The following C9orf152 variants were observed in gnomAD, a reference collection of about 807,000 sequenced individuals.
C9orf152 encodes the protein chromosome 9 open reading frame 152.
In C9orf152, 8 loss-of-function variants were observed where a neutral mutation model predicts 8.5. The ratio of observed to expected loss-of-function variants is 0.94; its 90% CI spans 0.55 to 1.70. The LOEUF is 1.70. Among genes scored for constraint, C9orf152 ranks in the 40% most tolerant of loss-of-function variants. The probability of loss-of-function intolerance (pLI) is 0.00; values close to 1 mark genes in which losing one functional copy is unlikely to be tolerated. For synonymous variants in C9orf152, 109 were observed against 113.0 expected, an observed-to-expected ratio of 0.96 and a Z score of 0.22; for missense variants, 293 against 286.2, an observed-to-expected ratio of 1.02 and a Z score of -0.17.
At chr9:110,205,424 A>G (rs1837262958) in intron 1 of C9orf152, among the ~76,000 whole-genome samples, 1 of 152,082 alleles carries the variant, frequency 6.6e-6, no homozygotes. Flanking sequence ...TTCTCCCTGG[A>G]TAATTACCTA....
intron 1 of C9orf152, among the ~76,000 whole-genome samples, chr9:110,202,591 C>CT (rs990667613): frequency 1.3e-5 from 2 of 151,812 alleles, no homozygotes; most frequent in African/African-American, 4.8e-5. Context: ...TTCTTGGGGA[C>CT]TTTTTTTTAA....
At position 110,200,560 on chromosome 9, in the gene C9orf152, T is replaced by A. The variant is rs150763293; in HGVS notation, c.*388A>T. On this transcript the variant is annotated 3_prime_UTR_variant, in exon 2 of 2. Coordinates refer to ENST00000400613, the MANE Select transcript of C9orf152 (RefSeq NM_001012993.3). ...ATTGAAAACAAGAATGCCACGCCCA[T>A]TGACCCCTGGGCATTGCTAAGGCAT... 4.1e-5 allele frequency: 7 copies of A among 169,822 alleles called. No individual in the cohort carries two copies. The highest frequency in any genetic ancestry group is 1.7e-4 in the African/African-American group (7 of 42,114). The allele number at this position is 169,822 out of a possible 1,614,324, so 10.5% of individuals were successfully genotyped here.
chr9:110,207,416 G>T lies in C9orf152; in HGVS notation c.164C>A (p.Thr55Asn). ...TGGAAGCACCAGGAGGTGGGCCTGG[G>T]TCCTCTGCTGCCTCTTCAAGCCTTC... is the stretch of plus-strand genomic sequence containing the variant. ...QYEGLKRQQR[T>N]QAHLLVLPKG... The change falls in exon 1 of 2, where the codon ACC (threonine) becomes AAC (asparagine). Residue 55 changes from threonine to asparagine, a missense_variant. Physicochemically the swap from Thr to Asn is moderately conservative, Grantham distance 65 (BLOSUM62 0). Transcript: ENST00000400613. 1 of 1,613,050 alleles carries T rather than the reference G, an allele frequency of 6.2e-7. No individual in the cohort carries two copies. The highest frequency in any genetic ancestry group is 8.5e-7 in the Non-Finnish European group (1 of 1,179,512).
chr9:110,207,278 C>T, intron 1 of C9orf152, 109 bp downstream of exon 1: 2 of 1,277,112 alleles, frequency 1.6e-6, no homozygotes, highest in African/African-American at 1.5e-5. Context: ...CCCTGCTCTT[C>T]CCCACTGGGA....
At chr9:110,205,825 G>A (rs1001778736) in intron 1 of C9orf152, among the ~76,000 whole-genome samples, 1 of 152,056 alleles carries the variant, frequency 6.6e-6, no homozygotes, top group African/African-American at 2.4e-5. Context: ...AGGTCGAGGT[G>A]GGTGGATCAC....
rs1837198326 is a variant in C9orf152 at position 110,200,233 on chromosome 9, A to AAGGG, written c.*714_*715insCCCT. 6.6e-6 allele frequency: 1 copy of AAGGG among 151,866 alleles called. No homozygotes were observed. Among genetic ancestry groups the AAGGG allele is most frequent in the Non-Finnish European group, 1.5e-5 (1 of 67,934 alleles). The allele number at this position is 151,866 out of a possible 1,614,324, so 9.4% of individuals were successfully genotyped here. A position where few individuals can be genotyped will look rare whatever the true frequency, so the allele number is the denominator to read the frequency against. On this transcript the variant is annotated 3_prime_UTR_variant, in exon 2 of 2. Transcript: ENST00000400613. ...GACAGAAGGAAGGAAGGAAGGAAGG[A>AAGGG]AGGAAGGAAGGAAGGAGATAACTCT...
chr9:110,204,997 C>T (rs1837258402), intron 1 of C9orf152, among the ~76,000 whole-genome samples: 3 of 152,180 alleles, frequency 2.0e-5, no homozygotes. Flanking sequence ...TTTGACTGCT[C>T]TCTCCATCTT....
Position 110,207,906 on chromosome 9 carries a change from C to T in C9orf152, c.-327G>A, listed in dbSNP as rs886605790. 8.6e-6 allele frequency: 2 copies of T among 231,900 alleles called. No individual in the cohort carries two copies. The highest frequency in any genetic ancestry group is 6.1e-5 in the Admixed American group (1 of 16,518). The allele number at this position is 231,900 out of a possible 1,614,324, so 14.4% of individuals were successfully genotyped here. On this transcript the variant is annotated 5_prime_UTR_variant, in exon 1 of 2. Coordinates refer to ENST00000400613, the MANE Select transcript of C9orf152 (RefSeq NM_001012993.3). The stretch of plus-strand genomic sequence containing the variant: ...TAGTGACAAGCGGGGATTAATGGGG[C>T]GAGAGAAGAAAGAGAGGGAGGAAGA...
chr9:110,205,606 A>G (rs1033597788), intron 1 of C9orf152, among the ~76,000 whole-genome samples: 1 of 152,204 alleles, frequency 6.6e-6, no homozygotes. Context: ...GTTATTCCCA[A>G]TTGACAGGTG....
At chr9:110,203,096 C>T (rs1170200166) in intron 1 of C9orf152, among the ~76,000 whole-genome samples, 2 of 149,592 alleles carry the variant, frequency 1.3e-5, no homozygotes, top group Non-Finnish European at 1.5e-5. Flanking sequence ...CTCACTGCAA[C>T]CTCCGCCCTC....
chr9:110,201,018 G>A lies in C9orf152; in HGVS notation c.650C>T (p.Pro217Leu), dbSNP rs771528936. The change falls in exon 2 of 2, where the codon CCA becomes CTA. Residue 217 changes from proline (P) to leucine (L), a missense_variant. By Grantham distance (98) the Pro-to-Leu change is moderately conservative. Transcript: ENST00000400613. ...PHRSGKPAYY[P>L]FPQRKTPRIS... ...CCTGGGTGTTTTCCTCTGGGGAAAT[G>A]GATAGTAAGCTGGTTTGCCAGACCT... The A allele has an allele frequency of 1.9e-6, 3 of 1,614,222 alleles. No homozygotes were observed. The highest frequency in any genetic ancestry group is 2.2e-5 in the South Asian group (2 of 91,078).
chr9:110,205,012 G>A (rs551631616), intron 1 of C9orf152, among the ~76,000 whole-genome samples: 2 of 152,138 alleles, frequency 1.3e-5, no homozygotes, highest in East Asian at 3.9e-4. Flanking sequence ...CATCTTCCCT[G>A]GCTTCATTTC....
chr9:110,205,204 T>G (rs1292499021), intron 1 of C9orf152, among the ~76,000 whole-genome samples: 1 of 152,152 alleles, frequency 6.6e-6, no homozygotes. Context: ...GGATGGAAGG[T>G]CTACAGGCAA....
intron 1 of C9orf152, among the ~76,000 whole-genome samples, chr9:110,205,616 G>A (rs1221177941): frequency 6.6e-6 from 1 of 152,176 alleles, no homozygotes; most frequent in Non-Finnish European, 1.5e-5. Context: ...ATTGACAGGT[G>A]AGGAAACTGA....
intron 1 of C9orf152, among the ~76,000 whole-genome samples, chr9:110,203,911 G>A (rs1333591006): frequency 2.0e-5 from 3 of 152,044 alleles, no homozygotes; most frequent in Admixed American, 6.6e-5. Flanking sequence ...AAGAAGAATC[G>A]AAATTCACCC....
At chr9:110,203,237 A>G (rs527956365) in intron 1 of C9orf152, among the ~76,000 whole-genome samples, 1 of 152,014 alleles carries the variant, frequency 6.6e-6, no homozygotes, top group African/African-American at 2.4e-5. Flanking sequence ...GTTAGCCAGG[A>G]TGGTCTCGAT....
chr9:110,206,462 T>C (rs899229412), intron 1 of C9orf152, among the ~76,000 whole-genome samples: 2 of 152,240 alleles, frequency 1.3e-5, no homozygotes, highest in Non-Finnish European at 2.9e-5. Flanking sequence ...GTTTATGCCC[T>C]GCAGAGATGG....
intron 1 of C9orf152, among the ~76,000 whole-genome samples, chr9:110,203,028 T>G (rs1837239815): frequency 6.7e-6 from 1 of 149,224 alleles, no homozygotes; most frequent in Non-Finnish European, 1.5e-5. Context: ...TTTTTTTTTT[T>G]TTTTGAGATG....
In C9orf152 at chr9:110,201,098, C is replaced by T. The variant is rs370341068; in HGVS notation, c.570G>A (p.Val190=). Residue 190 remains valine, a synonymous_variant, in exon 2 of 2, where the codon GTG becomes GTA. Transcript: ENST00000400613. Reference sequence around the variant, plus strand: ...GAGTGCTGAATTTTAAGCCAGATTCCACTGCCTTTGTTTGGGTATTGCCCA... The same window carrying T: ...GAGTGCTGAATTTTAAGCCAGATTCTACTGCCTTTGTTTGGGTATTGCCCA... ...CQVGNTQTKA[V]ESGLKFSTQC... is the part of the protein sequence containing the mutation. 22 of 1,614,086 alleles carry T rather than the reference C, an allele frequency of 1.4e-5. No individual in the cohort carries two copies. The highest frequency in any genetic ancestry group is 1.7e-5 in the Non-Finnish European group (20 of 1,180,054).
Sources: gnomAD v4.1 joint callset for allele counts (sites outside exome capture counted in the v4.1 genomes callset) on GRCh38, gnomAD v4.1.1 for gene constraint, MANE v1.5 for transcripts, NCBI Gene and HGNC (gene_info 2026-07-23, HGNC 2026-07-21) for gene names.